The following PLEKHM3 variants were observed in gnomAD, a reference collection of about 807,000 sequenced individuals.
The protein encoded by PLEKHM3 is pleckstrin homology domain containing M3, also known as pleckstrin homology domain-containing family M member 3.
PLEKHM3 carries 45 observed loss-of-function variants against 81.8 expected under a neutral mutation model. The observed-to-expected ratio is 0.55, with a 90% CI of 0.43 to 0.71. PLEKHM3 has a LOEUF of 0.71. Ranked by LOEUF, PLEKHM3 falls within the 30% of genes least tolerant of loss-of-function variation. The pLI is 0.00. For synonymous variants in PLEKHM3, 352 were observed against 356.4 expected, an observed-to-expected ratio of 0.99 and a Z score of 0.14; for missense variants, 788 against 924.3, an observed-to-expected ratio of 0.85 and a Z score of 1.91.
chr2:207,874,131 A>G (rs1428641733), intron 6 of PLEKHM3, among the ~76,000 whole-genome samples: 1 of 152,206 alleles, frequency 6.6e-6, no homozygotes, highest in Non-Finnish European at 1.5e-5. Flanking sequence ...ATGCCTGGGC[A>G]CCTGTACATC....
chr2:207,888,880 C>A (rs1466846507), intron 6 of PLEKHM3, among the ~76,000 whole-genome samples: 1 of 152,186 alleles, frequency 6.6e-6, no homozygotes, highest in Non-Finnish European at 1.5e-5. Flanking sequence ...GCTATAAACT[C>A]TTTTTCCCTG....
At chr2:207,833,898 A>C (rs1485296546) in intron 7 of PLEKHM3, among the ~76,000 whole-genome samples, 2 of 152,222 alleles carry the variant, frequency 1.3e-5, no homozygotes, top group African/African-American at 4.8e-5. Context: ...GTACTTATTC[A>C]TTTAACTTTC....
At chr2:207,965,270 G>T (rs775336552) in intron 3 of PLEKHM3, among the ~76,000 whole-genome samples, 3 of 151,768 alleles carry the variant, frequency 2.0e-5, no homozygotes, top group Non-Finnish European at 2.9e-5. Flanking sequence ...ACTCTCTTTA[G>T]AAGTTACGCC....
chr2:207,983,342 C>T (rs1017917483), intron 2 of PLEKHM3, among the ~76,000 whole-genome samples: 2 of 152,176 alleles, frequency 1.3e-5, no homozygotes, highest in African/African-American at 2.4e-5. Flanking sequence ...TGAGCCACCA[C>T]GCCTGGCCTA....
At chr2:207,889,452 CA>C (rs1687982801) in intron 6 of PLEKHM3, among the ~76,000 whole-genome samples, 1 of 75,660 alleles carries the variant, frequency 1.3e-5, no homozygotes. Context: ...CACACACACA[CA>C]CACACACACA....
intron 6 of PLEKHM3, among the ~76,000 whole-genome samples, chr2:207,873,097 G>A (rs1344873467): frequency 6.6e-6 from 1 of 152,204 alleles, no homozygotes; most frequent in Non-Finnish European, 1.5e-5. Flanking sequence ...AAGAAGTAGG[G>A]AAGGATGAAA....
intron 3 of PLEKHM3, among the ~76,000 whole-genome samples, chr2:207,950,232 C>T (rs1690284811): frequency 6.6e-6 from 1 of 152,148 alleles, no homozygotes; most frequent in Non-Finnish European, 1.5e-5. Context: ...CTGAAATCAC[C>T]CTAATGACCC....
At chr2:207,974,324 C>T (rs1251471716) in intron 3 of PLEKHM3, among the ~76,000 whole-genome samples, 2 of 152,136 alleles carry the variant, frequency 1.3e-5, no homozygotes, top group Non-Finnish European at 2.9e-5. Context: ...ACCTTCTTAC[C>T]TACATTTCTC....
chr2:207,979,401 GCA>G (rs1691444265), intron 2 of PLEKHM3, among the ~76,000 whole-genome samples: 1 of 152,130 alleles, frequency 6.6e-6, no homozygotes, highest in Non-Finnish European at 1.5e-5. Flanking sequence ...GGGTGTGGTG[GCA>G]TGCGCCTGTA....
At chr2:208,015,116 G>T (rs930675825) in intron 1 of PLEKHM3, among the ~76,000 whole-genome samples, 3 of 152,132 alleles carry the variant, frequency 2.0e-5, no homozygotes, top group Non-Finnish European at 4.4e-5. Context: ...GCCTTTTACT[G>T]CATTATGTTG....
chr2:208,009,085 C>T (rs960146066), intron 1 of PLEKHM3, among the ~76,000 whole-genome samples: 12 of 152,212 alleles, frequency 7.9e-5, no homozygotes, highest in African/African-American at 2.9e-4. Context: ...CTGTTCTGGG[C>T]ACCAGGGAAA....
chr2:207,944,095 G>A lies in PLEKHM3; in HGVS notation c.1692+2272C>T, dbSNP rs1197866178. 2.0e-5 allele frequency among the ~76,000 whole-genome samples: 3 copies of A among 152,204 alleles called. No homozygotes were observed. The East Asian group carries it at 5.8e-4, about 29-fold the overall frequency. ...AAGTGAGGGAGATGCCCAATAGAAA[G>A]ACAAGAAAGTGGGAAACAAAATAAT... On this transcript the variant is annotated intron_variant, in intron 4 of 7. Coordinates refer to ENST00000427836, the MANE Select transcript of PLEKHM3 (RefSeq NM_001080475.3).
chr2:207,916,690 G>A (rs1398073050), intron 5 of PLEKHM3, among the ~76,000 whole-genome samples: 1 of 152,152 alleles, frequency 6.6e-6, no homozygotes, highest in African/African-American at 2.4e-5. Context: ...GGAGGTTGCA[G>A]TGAGCCAAGA....
At chr2:207,866,646 TG>T (rs2092502746) in intron 6 of PLEKHM3, among the ~76,000 whole-genome samples, 1 of 152,236 alleles carries the variant, frequency 6.6e-6, no homozygotes. Context: ...ATGTACCTCC[TG>T]TTGTGAGCAA....
chr2:207,841,448 CAAAAAAAAAAAAAAAAAAAAA>C (rs1206603074), intron 7 of PLEKHM3, among the ~76,000 whole-genome samples: 2 of 21,466 alleles, frequency 9.3e-5, no homozygotes, highest in African/African-American at 4.3e-4. Flanking sequence ...GACTCCATCT[CAAAAAAAAAAAAAAAAAAAAA>C]AAAAAAAAAA....
chr2:207,822,223 A>C lies in PLEKHM3; in HGVS notation c.*6096T>G, dbSNP rs566414838. Reference sequence around the variant, plus strand: ...AAGCTAATTTGATAGCTCACGCCAAACAAAGAGACATTTTTATCACAATTT... The same window carrying C: ...AAGCTAATTTGATAGCTCACGCCAACCAAAGAGACATTTTTATCACAATTT... On this transcript the variant is annotated 3_prime_UTR_variant, in exon 8 of 8. Coordinates refer to ENST00000427836, the MANE Select transcript of PLEKHM3 (RefSeq NM_001080475.3). 4 of 152,626 alleles carry C rather than the reference A, an allele frequency of 2.6e-5. No homozygotes were observed. In the South Asian group the frequency reaches 8.3e-4, roughly 32 times the overall value. The allele number at this position is 152,626 out of a possible 1,614,324, so 9.5% of individuals were successfully genotyped here.
intron 6 of PLEKHM3, among the ~76,000 whole-genome samples, chr2:207,895,205 C>T (rs1030356875): frequency 6.6e-6 from 1 of 152,152 alleles, no homozygotes; most frequent in African/African-American, 2.4e-5. Context: ...CCTCTCTCCT[C>T]TTGGCTAAGT....
At chr2:207,888,480 T>C (rs1284702453) in intron 6 of PLEKHM3, among the ~76,000 whole-genome samples, 3 of 152,154 alleles carry the variant, frequency 2.0e-5, no homozygotes, top group South Asian at 4.1e-4. Flanking sequence ...CACTGCAACC[T>C]CTGCCTCCTG....
chr2:207,969,575 C>T (rs1369615142), intron 3 of PLEKHM3, among the ~76,000 whole-genome samples: 1 of 152,186 alleles, frequency 6.6e-6, no homozygotes, highest in Non-Finnish European at 1.5e-5. Flanking sequence ...ATTTTGCTTT[C>T]ATAGGAGCTT....
Sources: allele counts gnomAD v4.1 joint callset (sites outside exome capture counted in the v4.1 genomes callset), GRCh38; gene constraint gnomAD v4.1.1; transcripts MANE v1.5; gene names NCBI Gene and HGNC (gene_info 2026-07-23, HGNC 2026-07-21).